MAPK4: variants seen among roughly 807,000 people sequenced by gnomAD.
MAPK4 encodes Erk3-related.
Under a neutral mutation model 47.7 loss-of-function variants are expected in MAPK4, and 22 were observed. The observed-to-expected ratio is 0.46, with a 90% CI of 0.33 to 0.66. The LOEUF (loss-of-function observed/expected upper bound fraction) is 0.66. Among genes scored for constraint, MAPK4 ranks in the 30% least tolerant of loss-of-function variants. MAPK4 has a pLI of 0.02. For synonymous variants in MAPK4, 390 were observed against 365.7 expected (o/e 1.07, Z -0.76); for missense variants, 736 against 831.7 (o/e 0.88, Z 1.42).
chr18:50,686,048 G>A (rs1001418090), intron 2 of MAPK4, among the ~76,000 whole-genome samples: 21 of 151,188 alleles, frequency 1.4e-4, no homozygotes, highest in Non-Finnish European at 2.2e-4. Flanking sequence ...CTCACCTGAG[G>A]TGATGGTAGA....
chr18:50,711,663 A>C (rs530957057), intron 2 of MAPK4, among the ~76,000 whole-genome samples: 3 of 152,324 alleles, frequency 2.0e-5, no homozygotes, highest in African/African-American at 7.2e-5. Flanking sequence ...AGGTCTGATC[A>C]CAGAGACATG....
At chr18:50,671,235 C>T (rs1907931606) in intron 2 of MAPK4, among the ~76,000 whole-genome samples, 2 of 152,296 alleles carry the variant, frequency 1.3e-5, no homozygotes, top group African/African-American at 2.4e-5. Context: ...CTGCCTGCTA[C>T]CCCATGGCAC....
upstream of MAPK4, chr18:50,559,965 G>T: frequency 6.7e-6 from 1 of 150,192 alleles, no homozygotes; most frequent in Non-Finnish European, 1.5e-5. Context: ...GGCGCCCAGG[G>T]CCCGGCTCCC....
At chr18:50,677,078 A>G (rs1382637766) in intron 2 of MAPK4, among the ~76,000 whole-genome samples, 1 of 152,136 alleles carries the variant, frequency 6.6e-6, no homozygotes, top group African/African-American at 2.4e-5. Flanking sequence ...CTCTAACCCT[A>G]TTGTGAACTG....
At chr18:50,621,379 G>A (rs2042730364) in intron 1 of MAPK4, among the ~76,000 whole-genome samples, 1 of 152,130 alleles carries the variant, frequency 6.6e-6, no homozygotes. Flanking sequence ...AGTGCTGCAG[G>A]GAATGAGAGT....
At chr18:50,565,109 C>T (rs2042187484) in intron 1 of MAPK4, among the ~76,000 whole-genome samples, 1 of 152,196 alleles carries the variant, frequency 6.6e-6, no homozygotes, top group South Asian at 2.1e-4. Context: ...GGAAGCTAGT[C>T]CTACCTGTGA....
rs370581359 is a variant in MAPK4 at position 50,664,318 on chromosome 18, G to A, written c.360G>A (p.Thr120=). ...TDLARLLEQG[T]LAEEHAKLFM... is the part of the protein sequence containing the mutation. The stretch of plus-strand genomic sequence containing the variant: ...TGGCACGCCTGCTGGAGCAGGGCAC[G>A]CTGGCAGAAGAGCATGCCAAGCTGT... Residue 120 remains threonine (T), a synonymous_variant, in exon 2 of 6, where the codon ACG becomes ACA. Coordinates refer to ENST00000400384, the MANE Select transcript of MAPK4 (RefSeq NM_002747.4). The surrounding 1 kb of genome is among the most constrained non-coding windows in gnomAD (Gnocchi z 6.0). 7.6e-5 allele frequency: 123 copies of A among 1,613,636 alleles called. No individual in the cohort carries two copies. The highest frequency in any genetic ancestry group is 4.7e-4 in the African/African-American group (35 of 75,042).
chr18:50,620,107 T>C (rs892641488), intron 1 of MAPK4, among the ~76,000 whole-genome samples: 2 of 152,390 alleles, frequency 1.3e-5, no homozygotes, highest in South Asian at 4.1e-4. Context: ...TATTTAGCTA[T>C]CCTCAGGAAT....
intron 1 of MAPK4, among the ~76,000 whole-genome samples, chr18:50,568,176 A>T (rs1029540288): frequency 6.6e-6 from 1 of 151,134 alleles, no homozygotes; most frequent in African/African-American, 2.4e-5. Flanking sequence ...AGCCTGGGTG[A>T]CAGAGCCAGA....
At chr18:50,644,654 T>G (rs1398208102) in intron 1 of MAPK4, among the ~76,000 whole-genome samples, 1 of 152,134 alleles carries the variant, frequency 6.6e-6, no homozygotes, top group Non-Finnish European at 1.5e-5. Context: ...ATAACCAGGA[T>G]GTAGATTTTC....
intron 1 of MAPK4, among the ~76,000 whole-genome samples, chr18:50,635,058 C>T (rs1420508153): frequency 1.3e-5 from 2 of 152,216 alleles, no homozygotes; most frequent in African/African-American, 2.4e-5. Flanking sequence ...GCAGCCAAGG[C>T]TAAGCATGAG....
chr18:50,704,325 A>G (rs1455140153), intron 2 of MAPK4, among the ~76,000 whole-genome samples: 2 of 152,212 alleles, frequency 1.3e-5, no homozygotes, highest in Non-Finnish European at 2.9e-5. Flanking sequence ...ACTGGCCAAC[A>G]TGGTGAAACC....
At chr18:50,618,047 T>C (rs765636839) in intron 1 of MAPK4, among the ~76,000 whole-genome samples, 14 of 152,214 alleles carry the variant, frequency 9.2e-5, no homozygotes, top group Non-Finnish European at 2.1e-4. Flanking sequence ...TAAAACTGGT[T>C]TTCTAATATA....
chr18:50,570,730 C>T (rs1267191377), intron 1 of MAPK4, among the ~76,000 whole-genome samples: 2 of 152,156 alleles, frequency 1.3e-5, no homozygotes, highest in East Asian at 1.9e-4. Flanking sequence ...TGCTCAACCA[C>T]GTGTTCTTGG....
chr18:50,577,357 G>T (rs115516889), intron 1 of MAPK4, among the ~76,000 whole-genome samples: 3 of 152,042 alleles, frequency 2.0e-5, no homozygotes, highest in Non-Finnish European at 4.4e-5. Flanking sequence ...TTTATATGGC[G>T]TGGGGTCCAG....
At position 50,715,096 on chromosome 18, in the gene MAPK4, G is replaced by A. The variant is rs373908500; in HGVS notation, c.564G>A (p.Gly188=). 2.0e-5 allele frequency: 33 copies of A among 1,613,912 alleles called. No individual in the cohort carries two copies. The highest frequency in any genetic ancestry group is 2.5e-5 in the Non-Finnish European group (30 of 1,180,014). The change falls in exon 3 of 6, where the codon GGG becomes GGA. Residue 188 remains glycine, a synonymous_variant. Coordinates refer to ENST00000400384, the MANE Select transcript of MAPK4 (RefSeq NM_002747.4). ...TCTTTCAGGGTTATCTGTCAGAAGG[G>A]TTGGTAACAAAGTGGTACCGTTCCC... ...HYSHKGYLSE[G]LVTKWYRSPR...
chr18:50,586,916 G>A (rs2042394071), intron 1 of MAPK4, among the ~76,000 whole-genome samples: 1 of 140,660 alleles, frequency 7.1e-6, no homozygotes, highest in Non-Finnish European at 1.5e-5. Flanking sequence ...CCATCTTGTG[G>A]TGACACCTTC....
intron 1 of MAPK4, among the ~76,000 whole-genome samples, chr18:50,635,237 G>T (rs940755929): frequency 6.6e-6 from 1 of 152,002 alleles, no homozygotes; most frequent in African/African-American, 2.4e-5. Context: ...CCCAGAGCCC[G>T]TCTCTCTTCC....
At chr18:50,725,101 T>C (rs558156153) in intron 4 of MAPK4, among the ~76,000 whole-genome samples, 1 of 152,318 alleles carries the variant, frequency 6.6e-6, no homozygotes, top group African/African-American at 2.4e-5. Context: ...AAACAGCCTC[T>C]CGCACAAGGC....
Sources: allele counts gnomAD v4.1 joint callset (sites outside exome capture counted in the v4.1 genomes callset), GRCh38; gene constraint gnomAD v4.1.1; non-coding constraint Gnocchi (gnomAD v3.1); transcripts MANE v1.5; gene names NCBI Gene and HGNC (gene_info 2026-07-23, HGNC 2026-07-21).